The following FBXO11 variants were observed in gnomAD, a reference collection of about 807,000 sequenced individuals.
FBXO11 encodes F-box only protein 11.
In FBXO11, 13 loss-of-function variants were observed where a neutral mutation model predicts 117.0. The ratio of observed to expected loss-of-function variants is 0.11; its 90% CI spans 0.07 to 0.18. The LOEUF is 0.18. Among genes scored for constraint, FBXO11 ranks in the 10% least tolerant of loss-of-function variants. The probability of loss-of-function intolerance (pLI) is 1.00; values close to 1 mark genes in which losing one functional copy is unlikely to be tolerated. For synonymous variants in FBXO11, 490 were observed against 380.5 expected (o/e 1.29, Z -3.35); for missense variants, 767 against 1,164.4 (o/e 0.66, Z 4.97).
intron 11 of FBXO11, among the ~76,000 whole-genome samples, chr2:47,827,938 C>T (rs1176327963): frequency 2.6e-5 from 4 of 151,350 alleles, no homozygotes; most frequent in Admixed American, 2.0e-4. Context: ...CTCAAGTGAT[C>T]CACCTGCCTC....
At chr2:47,900,083 T>A (rs945915353) in intron 1 of FBXO11, among the ~76,000 whole-genome samples, 1 of 151,930 alleles carries the variant, frequency 6.6e-6, no homozygotes, top group Non-Finnish European at 1.5e-5. Context: ...GAATTTCCAG[T>A]AAAGGGAGAA....
chr2:47,829,720 C>T (rs1392038714), intron 11 of FBXO11, among the ~76,000 whole-genome samples: 3 of 150,674 alleles, frequency 2.0e-5, no homozygotes, highest in African/African-American at 7.3e-5. Flanking sequence ...AAAAAAAAAA[C>T]ACCCATCTTT....
intron 20 of FBXO11, 76 bp downstream of exon 20, chr2:47,809,520 GAATC>G: frequency 2.0e-6 from 2 of 1,009,092 alleles, no homozygotes; most frequent in East Asian, 4.8e-5. Context: ...GTGACATAAG[GAATC>G]AAGTTATAAA....
At chr2:47,824,712 G>A (rs537212422) in intron 11 of FBXO11, among the ~76,000 whole-genome samples, 96 of 152,136 alleles carry the variant, frequency 6.3e-4, no homozygotes, top group Non-Finnish European at 1.3e-3. Context: ...ACAAAAACGT[G>A]AGATGATTAT....
intron 1 of FBXO11, among the ~76,000 whole-genome samples, chr2:47,896,386 G>C (rs1350119276): frequency 6.6e-6 from 1 of 151,012 alleles, no homozygotes; most frequent in Non-Finnish European, 1.5e-5. Context: ...CTGGAGTGCA[G>C]TGGCTCAATC....
At chr2:47,826,247 C>T (rs1558417158) in intron 11 of FBXO11, among the ~76,000 whole-genome samples, 1 of 151,838 alleles carries the variant, frequency 6.6e-6, no homozygotes, top group African/African-American at 2.4e-5. Context: ...TTAGTAGAGA[C>T]AGGGTTTCAC....
At chr2:47,861,975 C>G (rs1674811700) in intron 1 of FBXO11, among the ~76,000 whole-genome samples, 1 of 151,836 alleles carries the variant, frequency 6.6e-6, no homozygotes, top group Admixed American at 6.6e-5. Flanking sequence ...TGCAGTGGCA[C>G]AGTCTCAGCT....
chr2:47,877,612 A>C (rs1332456367), intron 1 of FBXO11, among the ~76,000 whole-genome samples: 1 of 152,022 alleles, frequency 6.6e-6, no homozygotes, highest in Non-Finnish European at 1.5e-5. Flanking sequence ...TTGTGTGCTT[A>C]CCTTACCCTA....
intron 1 of FBXO11, among the ~76,000 whole-genome samples, chr2:47,879,491 T>C (rs911234802): frequency 6.6e-6 from 1 of 152,236 alleles, no homozygotes; most frequent in Non-Finnish European, 1.5e-5. Flanking sequence ...TAACTTCTCT[T>C]ACTGTGAATG....
At chr2:47,839,545 T>C (rs775090057) in intron 2 of FBXO11, 45 bp from the exon 3 acceptor site, 4 of 1,605,728 alleles carry the variant, frequency 2.5e-6, no homozygotes, top group Non-Finnish European at 2.6e-6. Context: ...ATTCTTATCA[T>C]CCATAATCAT....
intron 1 of FBXO11, among the ~76,000 whole-genome samples, chr2:47,865,152 TG>T (rs1675098853): frequency 6.6e-6 from 1 of 152,206 alleles, no homozygotes; most frequent in African/African-American, 2.4e-5. Flanking sequence ...ATAAACAAAC[TG>T]CAGCAGAACC....
chr2:47,868,227 G>A (rs1266238654), intron 1 of FBXO11, among the ~76,000 whole-genome samples: 2 of 147,992 alleles, frequency 1.4e-5, no homozygotes, highest in Non-Finnish European at 3.0e-5. Flanking sequence ...AGGTTGCAGT[G>A]AGCCGAGATC....
rs2104613781 is a variant in FBXO11, at chr2:47,808,447, A to G, written c.2556-20T>C. 1 of 1,559,604 alleles carries G rather than the reference A, an allele frequency of 6.4e-7. No homozygotes were observed. The highest frequency in any genetic ancestry group is 2.0e-5 in the Admixed American group (1 of 50,864). ...TGACATCTAAAAAGCAAAAGCTTAAATTACTTTTCTCAAACATGTCATTAA... is the reference window on the plus strand; with the variant it reads ...TGACATCTAAAAAGCAAAAGCTTAAGTTACTTTTCTCAAACATGTCATTAA... On this transcript the variant is annotated intron_variant, in intron 21 of 22. Coordinates refer to ENST00000403359, the MANE Select transcript of FBXO11 (RefSeq NM_001190274.2).
intron 12 of FBXO11, 66 bp downstream of exon 12, chr2:47,823,077 T>C (rs1236832999): frequency 4.3e-6 from 5 of 1,152,278 alleles, no homozygotes; most frequent in African/African-American, 1.5e-5. Flanking sequence ...TAAAGCTCAA[T>C]ATCTTGACTT....
At chr2:47,903,997 C>A (rs189501337) in intron 1 of FBXO11, among the ~76,000 whole-genome samples, 2 of 152,344 alleles carry the variant, frequency 1.3e-5, no homozygotes, top group Admixed American at 6.5e-5. Context: ...ACATCACATT[C>A]TTTCAAGCAA....
intron 17 of FBXO11, 142 bp from the exon 18 acceptor site, chr2:47,813,519 C>G (rs113145598): frequency 0.072 from 43,638 of 609,642 alleles, 2,192 homozygotes; most frequent in Non-Finnish European, 0.091. Context: ...GCAACCTCCA[C>G]CTCCCGGGTT....
At chr2:47,863,664 C>T (rs79292813) in intron 1 of FBXO11, among the ~76,000 whole-genome samples, 8 of 152,210 alleles carry the variant, frequency 5.3e-5, no homozygotes, top group Non-Finnish European at 1.0e-4. Flanking sequence ...TCCTCTAGAA[C>T]ACAAAGGCCG....
chr2:47,825,832 C>G (rs1671713678), intron 11 of FBXO11, among the ~76,000 whole-genome samples: 1 of 152,012 alleles, frequency 6.6e-6, no homozygotes, highest in Non-Finnish European at 1.5e-5. Flanking sequence ...CCGCCTTGGC[C>G]TCTCAAAGTG....
chr2:47,852,899 C>G (rs1459886259), intron 1 of FBXO11, among the ~76,000 whole-genome samples: 1 of 152,154 alleles, frequency 6.6e-6, no homozygotes, highest in Non-Finnish European at 1.5e-5. Context: ...CAGTATTAAG[C>G]AGCAGAGGCA....
Sources: gnomAD v4.1 joint callset for allele counts (sites outside exome capture counted in the v4.1 genomes callset) on GRCh38, gnomAD v4.1.1 for gene constraint, MANE v1.5 for transcripts, NCBI Gene and HGNC (gene_info 2026-07-23, HGNC 2026-07-21) for gene names.